Variants in ALDH1A2 observed in about 807,000 individuals in gnomAD.
ALDH1A2 encodes the protein retinal dehydrogenase 2.
Under a neutral mutation model 60.3 loss-of-function variants are expected in ALDH1A2, and 27 were observed. The observed-to-expected ratio is 0.45, with a 90% CI of 0.33 to 0.62. ALDH1A2 has a LOEUF of 0.62. Among genes scored for constraint, ALDH1A2 ranks in the 20% least tolerant of loss-of-function variants. The pLI, the probability that ALDH1A2 is intolerant of heterozygous loss-of-function variation, is 0.02. For missense variants in ALDH1A2, 581 were observed against 643.8 expected (o/e 0.90, Z 1.06); for synonymous variants, 289 against 232.4 (o/e 1.24, Z -2.21).
chr15:58,057,819 T>A (rs1342822249), intron 1 of ALDH1A2, among the ~76,000 whole-genome samples: 2 of 152,132 alleles, frequency 1.3e-5, no homozygotes, highest in East Asian at 3.9e-4. Flanking sequence ...CAATGCTTTA[T>A]ACACAAAAGG....
chr15:58,054,514 C>A (rs1463911508), intron 1 of ALDH1A2, among the ~76,000 whole-genome samples: 1 of 152,040 alleles, frequency 6.6e-6, no homozygotes, highest in Non-Finnish European at 1.5e-5. Flanking sequence ...ACAGAGGGAT[C>A]TGATAGTAAT....
rs543061624 is a variant in ALDH1A2, at chr15:57,956,180, G to T, written c.1485-911C>A. Among the ~76,000 whole-genome samples, 12 of 152,212 alleles carry T rather than the reference G, an allele frequency of 7.9e-5. 1 individual carries two copies. The highest frequency in any genetic ancestry group is 7.2e-4 in the Admixed American group (11 of 15,296). On this transcript the variant is annotated intron_variant, in intron 12 of 12. Coordinates refer to ENST00000249750, the MANE Select transcript of ALDH1A2 (RefSeq NM_003888.4). ...AGCCTACAACAGCAGGCACAAAGAA[G>T]GTACCTGATGACCAAGGAAGGAAGG...
Position 57,961,994 on chromosome 15 carries a change from G to C in ALDH1A2, c.1251+18C>G. The C allele has an allele frequency of 5.0e-6, 8 of 1,614,026 alleles. No individual in the cohort carries two copies. The highest frequency in any genetic ancestry group is 6.8e-6 in the Non-Finnish European group (8 of 1,179,926). On this transcript the variant is annotated intron_variant, in intron 10 of 12. Coordinates refer to ENST00000249750, the MANE Select transcript of ALDH1A2 (RefSeq NM_003888.4). ...CCCAAGAAAGATGTGGCTTTTGTAAGAACAGCATATTTGATACCTCCTCCT... is the reference window on the plus strand; with the variant it reads ...CCCAAGAAAGATGTGGCTTTTGTAACAACAGCATATTTGATACCTCCTCCT...
chr15:58,014,097 G>A (rs2140518987), intron 2 of ALDH1A2, 80 bp downstream of exon 2: 2 of 1,613,940 alleles, frequency 1.2e-6, no homozygotes, highest in East Asian at 2.2e-5. Context: ...ATGTAGTGGT[G>A]TACTGAGAGC....
At chr15:58,037,297 G>A (rs1324132502) in intron 1 of ALDH1A2, among the ~76,000 whole-genome samples, 1 of 151,508 alleles carries the variant, frequency 6.6e-6, no homozygotes, top group Non-Finnish European at 1.5e-5. Context: ...GAATTTTTAA[G>A]GTATGTTATA....
At chr15:58,054,413 C>A (rs1197154080) in intron 1 of ALDH1A2, among the ~76,000 whole-genome samples, 5 of 152,050 alleles carry the variant, frequency 3.3e-5, no homozygotes, top group African/African-American at 1.2e-4. Flanking sequence ...TAATTGTGCA[C>A]CCCAAATGCC....
At chr15:57,979,036 C>G (rs1894382211) in intron 7 of ALDH1A2, among the ~76,000 whole-genome samples, 1 of 152,058 alleles carries the variant, frequency 6.6e-6, no homozygotes, top group South Asian at 2.1e-4. Flanking sequence ...GAAAAAAACC[C>G]TACTGAGGCC....
chr15:58,063,360 C>A (rs990219181), intron 1 of ALDH1A2, among the ~76,000 whole-genome samples: 3 of 152,142 alleles, frequency 2.0e-5, no homozygotes. Flanking sequence ...AATCCCCTAT[C>A]GAATATGGTA....
At chr15:58,016,980 A>G (rs1895806340) in intron 1 of ALDH1A2, among the ~76,000 whole-genome samples, 1 of 152,192 alleles carries the variant, frequency 6.6e-6, no homozygotes, top group Non-Finnish European at 1.5e-5. Flanking sequence ...ATTAAGAGAA[A>G]GATATTTCAC....
chr15:58,025,721 A>G (rs1289329853), intron 1 of ALDH1A2, among the ~76,000 whole-genome samples: 2 of 152,368 alleles, frequency 1.3e-5, no homozygotes, highest in Middle Eastern at 3.4e-3. Context: ...ATGATTCTGC[A>G]GGCCATATGA....
At chr15:57,964,623 C>T (rs34932382) in intron 8 of ALDH1A2, 1,753 of 155,238 alleles carry the variant, frequency 0.011, 30 homozygotes, top group African/African-American at 0.04. Context: ...ATGTTTGGTA[C>T]TTGGGGGATT....
chr15:57,993,827 C>T (rs1894969876), intron 5 of ALDH1A2, among the ~76,000 whole-genome samples: 1 of 152,176 alleles, frequency 6.6e-6, no homozygotes, highest in African/African-American at 2.4e-5. Flanking sequence ...AATCCTCATC[C>T]CCTGGCTTCA....
intron 9 of ALDH1A2, 148 bp downstream of exon 9, chr15:57,963,737 G>T (rs1192656000): frequency 1.4e-5 from 11 of 770,722 alleles, no homozygotes; most frequent in Non-Finnish European, 2.3e-5. Context: ...TCCCTCTCTG[G>T]CTCCATTTCC....
intron 1 of ALDH1A2, among the ~76,000 whole-genome samples, chr15:58,026,380 C>T (rs1896079755): frequency 6.6e-6 from 1 of 152,090 alleles, no homozygotes; most frequent in Admixed American, 6.5e-5. Context: ...AAATCAACAT[C>T]CCACTCCTAT....
chr15:58,055,366 T>C (rs1896870731), intron 1 of ALDH1A2, among the ~76,000 whole-genome samples: 1 of 152,110 alleles, frequency 6.6e-6, no homozygotes, highest in Non-Finnish European at 1.5e-5. Flanking sequence ...ATAACAAGTA[T>C]TCATTAAGAA....
At chr15:57,970,472 T>G (rs988709445) in intron 7 of ALDH1A2, among the ~76,000 whole-genome samples, 2 of 152,166 alleles carry the variant, frequency 1.3e-5, no homozygotes, top group Non-Finnish European at 2.9e-5. Flanking sequence ...AGAGCCACAG[T>G]GTACTGGAAT....
intron 4 of ALDH1A2, among the ~76,000 whole-genome samples, chr15:58,007,433 A>T (rs1169557890): frequency 2.0e-5 from 3 of 152,030 alleles, no homozygotes; most frequent in Non-Finnish European, 4.4e-5. Context: ...ACCAATCTCC[A>T]TAAGAAGAGA....
At chr15:57,985,803 C>G (rs1284948112) in intron 7 of ALDH1A2, among the ~76,000 whole-genome samples, 6 of 152,258 alleles carry the variant, frequency 3.9e-5, no homozygotes, top group African/African-American at 1.2e-4. Flanking sequence ...AAACTGCCAT[C>G]TTTTGAAAGT....
chr15:57,975,247 A>G (rs1192651893), intron 7 of ALDH1A2, among the ~76,000 whole-genome samples: 2 of 152,244 alleles, frequency 1.3e-5, no homozygotes, highest in African/African-American at 4.8e-5. Context: ...ATATTTGTAC[A>G]TGAATGTTCA....
Sources: gnomAD v4.1 joint callset for allele counts (sites outside exome capture counted in the v4.1 genomes callset) on GRCh38, gnomAD v4.1.1 for gene constraint, MANE v1.5 for transcripts, NCBI Gene and HGNC (gene_info 2026-07-23, HGNC 2026-07-21) for gene names.